Variants in LPIN2 observed in about 807,000 individuals in gnomAD.
LPIN2 encodes phosphatidate phosphatase LPIN2.
A neutral mutation model predicts 111.4 loss-of-function variants in LPIN2; 55 were observed. The observed-to-expected ratio is 0.49, with a 90% CI of 0.40 to 0.62. The LOEUF (loss-of-function observed/expected upper bound fraction) is 0.62. LPIN2 is among the 20% of genes least tolerant of loss of function. The pLI, the probability that LPIN2 is intolerant of heterozygous loss-of-function variation, is 0.00. For missense variants in LPIN2, 992 were observed against 1,112.1 expected (o/e 0.89, Z 1.54); for synonymous variants, 425 against 414.0 (o/e 1.03, Z -0.32).
chr18:2,938,262 G>C (rs577111642), intron 6 of LPIN2, among the ~76,000 whole-genome samples: 1 of 152,102 alleles, frequency 6.6e-6, no homozygotes, highest in Admixed American at 6.5e-5. Flanking sequence ...AGTGGCTCAC[G>C]CCTATAATCC....
At position 2,951,278 on chromosome 18, in the gene LPIN2, C is replaced by CCAA. The variant is rs766143143; in HGVS notation, c.364_366dup (p.Leu122dup). 6.2e-7 allele frequency: 1 copy of CCAA among 1,613,984 alleles called. No homozygotes were observed. Among genetic ancestry groups the CCAA allele is most frequent in the Non-Finnish European group, 8.5e-7 (1 of 1,179,986 alleles). On this transcript the variant is annotated inframe_insertion, in exon 4 of 20. Coordinates refer to ENST00000677752, the MANE Select transcript of LPIN2 (RefSeq NM_001375808.2). ...GGTGTTTCATCTCCACCCGATTTCA[C>CCAA]CAAAGGGGTGTCAATATCTTTAAAG...
chr18:3,011,142 G>A (rs115441531), intron 1 of LPIN2, among the ~76,000 whole-genome samples: 44 of 152,186 alleles, frequency 2.9e-4, no homozygotes, highest in African/African-American at 1.0e-3. Context: ...TGCAATACAG[G>A]GCGATGAGAA....
chr18:2,967,309 G>A (rs2077821484), intron 1 of LPIN2, among the ~76,000 whole-genome samples: 1 of 152,012 alleles, frequency 6.6e-6, no homozygotes, highest in African/African-American at 2.4e-5. Context: ...AAAATCTGAG[G>A]GCTGAACTCA....
intron 1 of LPIN2, among the ~76,000 whole-genome samples, chr18:2,986,528 TAA>T (rs1200126197): frequency 4.2e-4 from 54 of 129,150 alleles, no homozygotes; most frequent in African/African-American, 1.5e-3. Flanking sequence ...TCTATTGTGA[TAA>T]GTCTATTTTT....
intron 1 of LPIN2, among the ~76,000 whole-genome samples, chr18:2,975,553 C>CACCTCAG (rs1431383931): frequency 6.6e-6 from 1 of 152,132 alleles, no homozygotes; most frequent in African/African-American, 2.4e-5. Flanking sequence ...AAGCTGGTCT[C>CACCTCAG]GAACTCCTCA....
chr18:3,000,852 T>C (rs1325668105), intron 1 of LPIN2, among the ~76,000 whole-genome samples: 3 of 150,190 alleles, frequency 2.0e-5, no homozygotes, highest in Non-Finnish European at 4.4e-5. Context: ...AAAACTGAGA[T>C]GGCAAATCCC....
rs1187651898 is a variant in LPIN2 at position 2,946,168 on chromosome 18, G to A, written c.590+4887C>T. On this transcript the variant is annotated intron_variant, in intron 4 of 19. Coordinates refer to ENST00000677752, the MANE Select transcript of LPIN2 (RefSeq NM_001375808.2). ...GTTTATCAAGTGCTTGTTTTAGGGA[G>A]GCAGATATTTTTAATTCCAAATTTG... 55 of 1,610,146 alleles carry A rather than the reference G, an allele frequency of 3.4e-5. No homozygotes were observed. The Admixed American group carries it at 7.3e-4, about 21-fold the overall frequency.
In LPIN2 at chr18:2,922,127, G is replaced by C. The variant is rs202201518; in HGVS notation, c.2247C>G (p.His749Gln). 3.1e-6 allele frequency: 5 copies of C among 1,614,110 alleles called. No homozygotes were observed. The Admixed American group carries it at 6.7e-5, about 22-fold the overall frequency. ...AGATTGTGCCCTTGTCATTGACCCA[G>C]TGCAGGTAGCCACGGGTCATGTCGG... ...GMADMTRGYL[H>Q]WVNDKGTILP... The change falls in exon 17 of 20, where the codon CAC becomes CAG. Residue 749 changes from histidine (H) to glutamine (Q), a missense_variant. His to Gln is a conservative substitution (Grantham distance 24). Around this residue, in one of 4 missense-constraint regions of LPIN2, gnomAD observed 185 missense variants for 186.5 expected, o/e 0.99. Coordinates refer to ENST00000677752, the MANE Select transcript of LPIN2 (RefSeq NM_001375808.2).
Position 2,919,965 on chromosome 18 carries a change from T to G in LPIN2, c.*328A>C, listed in dbSNP as rs1482230926. ...CTGTGTGCAGTGTTTTGGTCCACTC[T>G]TTTTTAGCTGCTTTTTTCTTCCTTT... On this transcript the variant is annotated 3_prime_UTR_variant, in exon 20 of 20. Coordinates refer to ENST00000677752, the MANE Select transcript of LPIN2 (RefSeq NM_001375808.2). 1 of 410,430 alleles carries G rather than the reference T, an allele frequency of 2.4e-6. No individual in the cohort carries two copies. Among genetic ancestry groups the G allele is most frequent in the African/African-American group, 2.0e-5 (1 of 48,834 alleles). The allele number at this position is 410,430 out of a possible 1,614,324, so 25.4% of individuals were successfully genotyped here.
chr18:2,924,490 C>T lies in LPIN2; in HGVS notation c.1995G>A (p.Gln665=). ...PNDVVFSITT[Q]YQGTCRCAGT... is the part of the protein sequence containing the mutation. ...CTGCACAGCGACAGGTGCCTTGATA[C>T]TGGGTTGTAATACTAAACACAACAT... is the stretch of plus-strand genomic sequence containing the variant. Residue 665 remains glutamine (Q), a synonymous_variant, in exon 15 of 20, where the codon CAG becomes CAA. Transcript: ENST00000677752. The T allele has an allele frequency of 6.2e-7, 1 of 1,614,206 alleles. No individual in the cohort carries two copies. The highest frequency in any genetic ancestry group is 8.5e-7 in the Non-Finnish European group (1 of 1,180,014).
chr18:2,927,601 T>C (rs917331517), intron 12 of LPIN2, 121 bp downstream of exon 12: 22 of 1,012,204 alleles, frequency 2.2e-5, no homozygotes, highest in African/African-American at 1.1e-4. Context: ...AAATGGAAAC[T>C]GCTATATGGT....
intron 1 of LPIN2, chr18:2,990,642 C>T (rs932008771): frequency 2.7e-5 from 5 of 184,134 alleles, no homozygotes; most frequent in African/African-American, 4.7e-5. Flanking sequence ...AGAGAGTGGC[C>T]AATGGCCGTG....
intron 4 of LPIN2, among the ~76,000 whole-genome samples, chr18:2,941,522 G>A (rs577752103): frequency 3.3e-4 from 50 of 152,270 alleles, no homozygotes; most frequent in African/African-American, 9.4e-4. Context: ...GTGGGCCCCC[G>A]TTTTCATCTT....
At chr18:2,984,429 T>C (rs1038246411) in intron 1 of LPIN2, among the ~76,000 whole-genome samples, 6 of 152,168 alleles carry the variant, frequency 3.9e-5, no homozygotes, top group Non-Finnish European at 5.9e-5. Context: ...TCTTCATCCA[T>C]GATCTACTGC....
chr18:2,942,006 T>C (rs1197439361), intron 4 of LPIN2, among the ~76,000 whole-genome samples: 1 of 152,210 alleles, frequency 6.6e-6, no homozygotes, highest in Non-Finnish European at 1.5e-5. Context: ...AATGTTCTAA[T>C]AGGACAGATA....
At position 2,920,421 on chromosome 18, in the gene LPIN2, C is replaced by T. The variant is rs756569973; in HGVS notation, c.2563G>A (p.Glu855Lys). 17 of 1,613,780 alleles carry T rather than the reference C, an allele frequency of 1.1e-5. No individual in the cohort carries two copies. Among genetic ancestry groups the T allele is most frequent in the Non-Finnish European group, 1.4e-5 (17 of 1,180,046 alleles). The change falls in exon 20 of 20, where the codon GAG (glutamate) becomes AAG (lysine). Residue 855 changes from glutamate to lysine, a missense_variant. Coordinates refer to ENST00000677752, the MANE Select transcript of LPIN2 (RefSeq NM_001375808.2). ...GNKSSYHRLS[E>K]LVEHVFPLLS... ...AGGGGGAACACATGCTCCACGAGCT[C>T]ACTCAGCCTGTGATACCTAAGAGAA...
chr18:2,983,600 C>T lies in LPIN2; in HGVS notation c.-9-22751G>A, dbSNP rs1293393243. On this transcript the variant is annotated intron_variant, in intron 1 of 19. Coordinates refer to ENST00000677752, the MANE Select transcript of LPIN2 (RefSeq NM_001375808.2). ...GTTCATCACAAACAGCCATTAGCCA[C>T]GTGTGGCTACTGAGCAATGGCAATC... 3.3e-5 allele frequency among the ~76,000 whole-genome samples: 5 copies of T among 152,120 alleles called. No individual in the cohort carries two copies. The East Asian group carries it at 5.8e-4, about 18-fold the overall frequency.
Position 2,937,834 on chromosome 18 carries a change from C to T in LPIN2, c.1026G>A (p.Val342=), listed in dbSNP as rs1232642116. 11 of 1,613,972 alleles carry T rather than the reference C, an allele frequency of 6.8e-6. No individual in the cohort carries two copies. The highest frequency in any genetic ancestry group is 9.3e-6 in the Non-Finnish European group (11 of 1,180,030). The change falls in exon 7 of 20, where the codon GTG becomes GTA. Residue 342 remains valine, a synonymous_variant. Coordinates refer to ENST00000677752, the MANE Select transcript of LPIN2 (RefSeq NM_001375808.2). ...LGTQMSDPTS[V]AELLEPPLES... ...CAAGAGGAGGTTCGAGAAGCTCTGC[C>T]ACAGATGTTGGGTCGCTCATCTGTG...
At position 2,972,030 on chromosome 18, in the gene LPIN2, G is replaced by C. The variant is rs576869621; in HGVS notation, c.-9-11181C>G. 3.9e-5 allele frequency among the ~76,000 whole-genome samples: 6 copies of C among 152,242 alleles called. No homozygotes were observed. In the East Asian group the frequency reaches 1.2e-3, roughly 29 times the overall value. On this transcript the variant is annotated intron_variant, in intron 1 of 19. Coordinates refer to ENST00000677752, the MANE Select transcript of LPIN2 (RefSeq NM_001375808.2). Reference sequence around the variant, plus strand: ...CCACTGCATTACAGCCTGGGCGACAGAGTGAAACTCCATATCAAAAACAAA... The same window carrying C: ...CCACTGCATTACAGCCTGGGCGACACAGTGAAACTCCATATCAAAAACAAA...
Sources: gnomAD v4.1 joint callset for allele counts (sites outside exome capture counted in the v4.1 genomes callset) on GRCh38, gnomAD v4.1.1 for gene constraint, gnomAD v4.1.1 regional missense constraint, MANE v1.5 for transcripts, NCBI Gene and HGNC (gene_info 2026-07-23, HGNC 2026-07-21) for gene names.